Variants in CCDC178 observed in about 807,000 individuals in gnomAD.
The protein encoded by CCDC178 is coiled-coil domain-containing protein 178.
In CCDC178, 126 loss-of-function variants were observed where a neutral mutation model predicts 117.4. The ratio of observed to expected loss-of-function variants is 1.07; its 90% CI spans 0.93 to 1.24. The LOEUF is 1.24. Among genes scored for constraint, CCDC178 ranks in the 50% most tolerant of loss-of-function variants. The probability of loss-of-function intolerance (pLI) is 0.00; values close to 1 mark genes in which losing one functional copy is unlikely to be tolerated. For synonymous variants in CCDC178, 283 were observed against 313.4 expected (o/e 0.90, Z 1.02); for missense variants, 1,030 against 986.9 (o/e 1.04, Z -0.59).
intron 20 of CCDC178, among the ~76,000 whole-genome samples, chr18:33,144,626 C>T (rs2058248478): frequency 6.6e-6 from 1 of 151,994 alleles, no homozygotes; most frequent in South Asian, 2.1e-4. Context: ...ATCTCCGTTC[C>T]TTATGCACTA....
chr18:33,229,860 T>C (rs1042729937), intron 15 of CCDC178, among the ~76,000 whole-genome samples: 1 of 152,196 alleles, frequency 6.6e-6, no homozygotes, highest in African/African-American at 2.4e-5. Flanking sequence ...AGTGATGCCA[T>C]AGTTGGTTCT....
At chr18:33,393,739 G>T (rs1307660883) in intron 4 of CCDC178, among the ~76,000 whole-genome samples, 1 of 151,974 alleles carries the variant, frequency 6.6e-6, no homozygotes, top group Non-Finnish European at 1.5e-5. Flanking sequence ...TTTTTCTGCT[G>T]ATGGACATTT....
intron 12 of CCDC178, among the ~76,000 whole-genome samples, chr18:33,274,032 T>TA (rs1378770666): frequency 6.6e-6 from 1 of 151,702 alleles, no homozygotes; most frequent in East Asian, 1.9e-4. Flanking sequence ...AAAGAATACT[T>TA]ACAACTCAAT....
intron 20 of CCDC178, among the ~76,000 whole-genome samples, chr18:33,124,410 G>C (rs906364702): frequency 2.6e-5 from 4 of 152,116 alleles, no homozygotes; most frequent in Admixed American, 6.6e-5. Flanking sequence ...TTATGTGTAA[G>C]AAAATGAAAG....
intron 12 of CCDC178, among the ~76,000 whole-genome samples, chr18:33,269,039 T>G (rs1223505799): frequency 6.6e-6 from 1 of 151,818 alleles, no homozygotes; most frequent in Non-Finnish European, 1.5e-5. Context: ...CAGGCTAGAA[T>G]GCATTCAAAG....
chr18:33,199,511 A>G (rs1240212126), intron 20 of CCDC178, among the ~76,000 whole-genome samples: 2 of 152,244 alleles, frequency 1.3e-5, no homozygotes, highest in East Asian at 1.9e-4. Context: ...ACTCAAATCA[A>G]GTTAACTTCA....
chr18:33,396,349 G>A (rs978943588), intron 4 of CCDC178, among the ~76,000 whole-genome samples: 2 of 152,028 alleles, frequency 1.3e-5, no homozygotes, highest in African/African-American at 4.8e-5. Context: ...ACACTGTTAT[G>A]TCACTGTAAA....
At chr18:33,288,333 C>T (rs1220373837) in intron 12 of CCDC178, among the ~76,000 whole-genome samples, 1 of 107,444 alleles carries the variant, frequency 9.3e-6, no homozygotes, top group Non-Finnish European at 1.9e-5. Flanking sequence ...CTCTTCCCTC[C>T]TCTCTCCTCC....
chr18:33,280,486 C>T (rs2060009309), intron 12 of CCDC178, among the ~76,000 whole-genome samples: 2 of 151,668 alleles, frequency 1.3e-5, no homozygotes, highest in Non-Finnish European at 2.9e-5. Flanking sequence ...GAAATAGGAA[C>T]ACTTTTACAC....
chr18:33,076,550 T>G (rs1395305979), intron 21 of CCDC178, among the ~76,000 whole-genome samples: 1 of 152,230 alleles, frequency 6.6e-6, no homozygotes, highest in Non-Finnish European at 1.5e-5. Context: ...CTTTCTCCTC[T>G]TTGTGTGATA....
chr18:33,380,233 C>T (rs532749921), intron 5 of CCDC178, among the ~76,000 whole-genome samples: 1 of 152,290 alleles, frequency 6.6e-6, no homozygotes, highest in African/African-American at 2.4e-5. Context: ...TGCCCCCGGC[C>T]TGTGATGAGG....
chr18:33,045,775 A>C (rs75493488), intron 21 of CCDC178, among the ~76,000 whole-genome samples: 14,018 of 152,198 alleles, frequency 0.092, 899 homozygotes, highest in African/African-American at 0.18. Context: ...TAAAAGTCTT[A>C]CAATACTTAG....
intron 21 of CCDC178, among the ~76,000 whole-genome samples, chr18:33,010,380 T>C (rs1466329478): frequency 6.6e-6 from 1 of 152,156 alleles, no homozygotes; most frequent in Non-Finnish European, 1.5e-5. Context: ...GAAGTCACTG[T>C]CACCATTGTC....
At chr18:33,296,287 T>C (rs987850353) in intron 11 of CCDC178, among the ~76,000 whole-genome samples, 4 of 151,876 alleles carry the variant, frequency 2.6e-5, no homozygotes, top group African/African-American at 9.7e-5. Context: ...GAAAGGACAG[T>C]GGATATGAAT....
At chr18:33,056,913 C>A (rs2056839702) in intron 21 of CCDC178, among the ~76,000 whole-genome samples, 1 of 146,056 alleles carries the variant, frequency 6.8e-6, no homozygotes, top group South Asian at 2.2e-4. Flanking sequence ...GAAAAGTCAT[C>A]TTTGATGTTG....
intron 4 of CCDC178, among the ~76,000 whole-genome samples, chr18:33,391,003 A>C (rs201983270): frequency 1.3e-5 from 2 of 151,508 alleles, no homozygotes; most frequent in East Asian, 3.9e-4. Flanking sequence ...GTAAGTTTAT[A>C]GCAAAAATAT....
intron 18 of CCDC178, among the ~76,000 whole-genome samples, chr18:33,218,734 C>T (rs1399241827): frequency 6.6e-6 from 1 of 151,916 alleles, no homozygotes; most frequent in Non-Finnish European, 1.5e-5. Flanking sequence ...CTTGTTTTTG[C>T]CAGGTTTGTC....
intron 2 of CCDC178, among the ~76,000 whole-genome samples, chr18:33,417,245 G>A (rs1355776647): frequency 6.6e-6 from 1 of 151,962 alleles, no homozygotes; most frequent in Non-Finnish European, 1.5e-5. Context: ...CCATACAATG[G>A]AATACAATCC....
At position 33,311,444 on chromosome 18, in the gene CCDC178, G is replaced by A. The variant is rs146004888; in HGVS notation, c.1022+12047C>T. On this transcript the variant is annotated intron_variant, in intron 11 of 22. Transcript: ENST00000383096. ...ATGGCAAGCCTACCAATGGGCTATT[G>A]TTCTCCAGTGCCAGCTGGATAACTC... Among the ~76,000 whole-genome samples the A allele has an allele frequency of 3.0e-3, 458 of 152,310 alleles. 3 individuals are homozygous for A. The highest frequency in any genetic ancestry group is 0.011 in the African/African-American group (440 of 41,564).
Sources: allele counts gnomAD v4.1 joint callset (sites outside exome capture counted in the v4.1 genomes callset), GRCh38; gene constraint gnomAD v4.1.1; transcripts MANE v1.5; gene names NCBI Gene and HGNC (gene_info 2026-07-23, HGNC 2026-07-21).